The following PHF24 variants were observed in gnomAD, a reference collection of about 807,000 sequenced individuals.
The protein encoded by PHF24 is Galpha inhibitory interacting protein.
Under a neutral mutation model 42.6 loss-of-function variants are expected in PHF24, and 25 were observed. The ratio of observed to expected loss-of-function variants is 0.59; its 90% CI spans 0.43 to 0.82. The LOEUF (loss-of-function observed/expected upper bound fraction) is 0.82, where lower values mean the gene tolerates loss of function less well. Ranked by LOEUF, PHF24 falls within the 40% of genes least tolerant of loss-of-function variation. The pLI, the probability that PHF24 is intolerant of heterozygous loss-of-function variation, is 0.00. For synonymous variants in PHF24, 185 were observed against 204.8 expected (o/e 0.90, Z 0.83); for missense variants, 470 against 538.1 (o/e 0.87, Z 1.25).
chr9:34,689,189 C>T, the PHF24 span, among the ~76,000 whole-genome samples: 1 of 152,070 alleles, frequency 6.6e-6, no homozygotes, highest in Non-Finnish European at 1.5e-5. This position sits in a 1 kb window ranked among gnomAD's most constrained non-coding sequence, Gnocchi z 4.1. Context: ...CAACTCCCTT[C>T]CCCCCAGTGA....
chr9:34,698,327 A>T, the PHF24 span, among the ~76,000 whole-genome samples: 1 of 152,030 alleles, frequency 6.6e-6, no homozygotes, highest in Non-Finnish European at 1.5e-5. Flanking sequence ...GGCTATGGAG[A>T]TGGGGACAAG....
chr9:34,830,340 A>T, the PHF24 span, among the ~76,000 whole-genome samples: 1 of 152,184 alleles, frequency 6.6e-6, no homozygotes, highest in South Asian at 2.1e-4. Flanking sequence ...TTCTTTGGTC[A>T]CTTCAGCCAG....
the PHF24 span, chr9:34,832,396 A>C: frequency 3.5e-5 from 37 of 1,065,684 alleles, no homozygotes; most frequent in Non-Finnish European, 4.3e-5. Flanking sequence ...GGTTGTCTGG[A>C]GTGTAACCGA....
At chr9:34,981,878 G>A (rs1017711483) in exon 8 of PHF24, 1 of 152,086 alleles carries the variant, frequency 6.6e-6, no homozygotes, top group African/African-American at 2.4e-5. Context: ...ATCTCCTGGA[G>A]TGGGGGATAT....
the PHF24 span, among the ~76,000 whole-genome samples, chr9:34,879,484 G>A: frequency 2.6e-5 from 4 of 151,996 alleles, no homozygotes; most frequent in African/African-American, 9.7e-5. Context: ...TAGACGAATG[G>A]CTAACTAAAC....
chr9:34,899,199 G>A, the PHF24 span, among the ~76,000 whole-genome samples: 2 of 152,168 alleles, frequency 1.3e-5, no homozygotes, highest in Non-Finnish European at 2.9e-5. Flanking sequence ...AACAGCAAAC[G>A]AGGGAGATGA....
At chr9:34,762,745 T>C in the PHF24 span, among the ~76,000 whole-genome samples, 40 of 152,216 alleles carry the variant, frequency 2.6e-4, no homozygotes, top group African/African-American at 9.2e-4. Flanking sequence ...CCATTGCTTT[T>C]GGTGTTTTAG....
chr9:34,926,594 A>C, the PHF24 span, among the ~76,000 whole-genome samples: 10 of 151,960 alleles, frequency 6.6e-5, no homozygotes, highest in South Asian at 2.1e-3. This position sits in a 1 kb window ranked among gnomAD's most constrained non-coding sequence, Gnocchi z 4.3. Flanking sequence ...ATTGGCCTGC[A>C]GGTATGCCCA....
chr9:34,667,562 C>T, the PHF24 span, among the ~76,000 whole-genome samples: 269 of 152,330 alleles, frequency 1.8e-3, 2 homozygotes, highest in African/African-American at 6.1e-3. Context: ...CCTTGGTTCC[C>T]CAGGCCAGGG....
At chr9:34,715,376 T>A in the PHF24 span, among the ~76,000 whole-genome samples, 1 of 152,130 alleles carries the variant, frequency 6.6e-6, no homozygotes, top group Non-Finnish European at 1.5e-5. Context: ...CCTCAGCTGC[T>A]GGCCTGGGTT....
At chr9:34,905,350 G>GT in the PHF24 span, among the ~76,000 whole-genome samples, 3 of 152,108 alleles carry the variant, frequency 2.0e-5, no homozygotes, top group Non-Finnish European at 4.4e-5. Context: ...CTGTGCTTTA[G>GT]TTTTTTCCCT....
chr9:34,745,636 G>T, the PHF24 span, among the ~76,000 whole-genome samples: 8 of 149,630 alleles, frequency 5.3e-5, no homozygotes, highest in African/African-American at 1.5e-4. Flanking sequence ...TATTTATTAT[G>T]GGGGGTAAAG....
At chr9:34,701,437 T>A in the PHF24 span, among the ~76,000 whole-genome samples, 2 of 152,132 alleles carry the variant, frequency 1.3e-5, no homozygotes. This position sits in a 1 kb window ranked among gnomAD's most constrained non-coding sequence, Gnocchi z 5.8. Context: ...GCATCTCCCT[T>A]CCTGGGCCTG....
chr9:34,751,104 C>A, the PHF24 span, among the ~76,000 whole-genome samples: 1 of 152,150 alleles, frequency 6.6e-6, no homozygotes, highest in East Asian at 1.9e-4. Context: ...GTGGCTCAAG[C>A]CTGTAATCCC....
At chr9:34,937,766 G>GC in the PHF24 span, among the ~76,000 whole-genome samples, 9 of 152,326 alleles carry the variant, frequency 5.9e-5, no homozygotes, top group South Asian at 1.9e-3. Context: ...GAAGAACCTG[G>GC]CTAGCCCTGC....
At chr9:34,741,345 T>TCTTTTC in the PHF24 span, among the ~76,000 whole-genome samples, 1 of 152,086 alleles carries the variant, frequency 6.6e-6, no homozygotes, top group African/African-American at 2.4e-5. Context: ...GTATTTCTTT[T>TCTTTTC]CTTTTCTTTT....
the PHF24 span, among the ~76,000 whole-genome samples, chr9:34,765,300 T>C: frequency 6.6e-6 from 1 of 151,298 alleles, no homozygotes; most frequent in Non-Finnish European, 1.5e-5. Flanking sequence ...GACAGTGGGG[T>C]GTTAAAGTCT....
chr9:34,817,414 T>C, the PHF24 span, among the ~76,000 whole-genome samples: 2 of 152,080 alleles, frequency 1.3e-5, no homozygotes, highest in African/African-American at 4.8e-5. Flanking sequence ...CCAGCTAATT[T>C]TTTTATTTTT....
the PHF24 span, chr9:34,727,026 A>G: frequency 6.5e-7 from 1 of 1,528,866 alleles, no homozygotes; most frequent in Non-Finnish European, 8.8e-7. Context: ...CGATGGAGTG[A>G]CATCTGCCTT....
Sources: gnomAD v4.1 joint callset for allele counts (sites outside exome capture counted in the v4.1 genomes callset) on GRCh38, gnomAD v4.1.1 for gene constraint, Gnocchi (gnomAD v3.1) non-coding constraint, MANE v1.5 for transcripts, NCBI Gene and HGNC (gene_info 2026-07-23, HGNC 2026-07-21) for gene names.